Variants in CHD1L observed in about 807,000 individuals in gnomAD.
CHD1L encodes ATP-dependent chromatin remodeler CHD1L.
A neutral mutation model predicts 115.9 loss-of-function variants in CHD1L; 118 were observed. That is an observed-to-expected ratio of 1.02 (90% CI 0.88 to 1.19). CHD1L has a LOEUF of 1.19. CHD1L is among the 50% of genes most tolerant of loss of function. CHD1L has a pLI of 0.00. For missense variants in CHD1L, 1,179 were observed against 1,065.3 expected, an observed-to-expected ratio of 1.11 and a Z score of -1.49; for synonymous variants, 411 against 387.1, an observed-to-expected ratio of 1.06 and a Z score of -0.72.
At chr1:147,219,840 C>CTTTTT in the CHD1L span, among the ~76,000 whole-genome samples, 6,576 of 132,654 alleles carry the variant, frequency 0.05, 241 homozygotes, top group African/African-American at 0.08. Context: ...ATGTTAATTG[C>CTTTTT]TTTTTTTTTT....
chr1:147,266,334 C>CA (rs1167174023), intron 8 of CHD1L, among the ~76,000 whole-genome samples: 1 of 152,180 alleles, frequency 6.6e-6, no homozygotes, highest in Non-Finnish European at 1.5e-5. Context: ...TGTAATTAAG[C>CA]AAACACTTCC....
chr1:147,263,401 C>T (rs868908308), intron 6 of CHD1L, among the ~76,000 whole-genome samples: 3 of 131,556 alleles, frequency 2.3e-5, no homozygotes, highest in Non-Finnish European at 3.1e-5. Flanking sequence ...TGTACTCCAG[C>T]GTGGGTGACA....
At chr1:147,291,849 A>G (rs10793660) in intron 20 of CHD1L, among the ~76,000 whole-genome samples, 6,181 of 152,148 alleles carry the variant, frequency 0.041, 138 homozygotes, top group African/African-American at 0.059. Flanking sequence ...GTGTGTCCAG[A>G]TTTCCTTTCT....
chr1:147,192,445 TGTC>T, the CHD1L span, among the ~76,000 whole-genome samples: 1 of 152,174 alleles, frequency 6.6e-6, no homozygotes, highest in Non-Finnish European at 1.5e-5. Flanking sequence ...TATACAATCA[TGTC>T]GTCTGCAAAC....
In CHD1L at chr1:147,267,362, T is replaced by G. The variant is rs1010612243; in HGVS notation, c.896-64T>G. ...AAGGTTACTTGTAAAAACTCAGGGT[T>G]TTGGTTTCTGTTTTGTTCAGTAGGC... On this transcript the variant is annotated intron_variant, in intron 8 of 22. Transcript: ENST00000369258. 12 of 1,254,766 alleles carry G rather than the reference T, an allele frequency of 9.6e-6. No homozygotes were observed. In the East Asian group the frequency reaches 2.8e-4, roughly 30 times the overall value. 77.7% of individuals were successfully genotyped at this position (1,254,766 alleles called of 1,614,324 possible). A position where few individuals can be genotyped will look rare whatever the true frequency, so the allele number is the denominator to read the frequency against.
the CHD1L span, chr1:147,178,169 C>A: frequency 1.2e-6 from 2 of 1,610,626 alleles, no homozygotes; most frequent in Non-Finnish European, 1.7e-6. Context: ...CTCGCCGCGG[C>A]CCGCCTCGCG....
chr1:147,263,287 G>A (rs1387453314), intron 6 of CHD1L, among the ~76,000 whole-genome samples: 1 of 152,004 alleles, frequency 6.6e-6, no homozygotes, highest in Non-Finnish European at 1.5e-5. Flanking sequence ...GAAATTAGCT[G>A]AATGTGGTGG....
chr1:147,270,446 C>T (rs1675703294), intron 10 of CHD1L, among the ~76,000 whole-genome samples: 1 of 152,108 alleles, frequency 6.6e-6, no homozygotes, highest in African/African-American at 2.4e-5. Flanking sequence ...AGGATAGTGA[C>T]TTTACACCCC....
intron 6 of CHD1L, among the ~76,000 whole-genome samples, chr1:147,262,825 C>CT (rs34342332): frequency 0.094 from 14,259 of 152,022 alleles, 742 homozygotes; most frequent in East Asian, 0.16. Context: ...ATGGCCCCCC[C>CT]TCCAAATCAA....
At chr1:147,247,173 C>G (rs1291134073) in intron 1 of CHD1L, among the ~76,000 whole-genome samples, 1 of 152,130 alleles carries the variant, frequency 6.6e-6, no homozygotes, top group Non-Finnish European at 1.5e-5. Flanking sequence ...ACATTGTGGT[C>G]AGAGAACATA....
chr1:147,292,805 AT>A lies in CHD1L; in HGVS notation c.2392-802del, dbSNP rs1572230222. 2.0e-5 allele frequency among the ~76,000 whole-genome samples: 3 copies of A among 152,316 alleles called. No individual in the cohort carries two copies. In the East Asian group the frequency reaches 5.8e-4, roughly 29 times the overall value. ...AGAGCAAGAACTCATCACCAAGGGT[AT>A]GGCATTAAGCCATCCATGAGGGATC... On this transcript the variant is annotated intron_variant, in intron 20 of 22. Transcript: ENST00000369258.
At chr1:147,212,605 T>G in the CHD1L span, 45,657 of 1,427,534 alleles carry the variant, frequency 0.032, 1,066 homozygotes, top group South Asian at 0.092. Flanking sequence ...AAGTCATTTG[T>G]TTTTTTTGCA....
At chr1:147,186,298 G>C in the CHD1L span, 1 of 980,964 alleles carries the variant, frequency 1.0e-6, no homozygotes, top group Admixed American at 6.2e-5. Context: ...TAAAGACATG[G>C]TTCCTAAGGA....
upstream of CHD1L, among the ~76,000 whole-genome samples, chr1:147,238,694 C>T (rs1664666242): frequency 2.0e-5 from 3 of 152,178 alleles, no homozygotes; most frequent in South Asian, 6.2e-4. Flanking sequence ...GAAATGCACT[C>T]TCTGTACTTC....
At chr1:147,294,908 A>G (rs1686982658) in intron 22 of CHD1L, among the ~76,000 whole-genome samples, 1 of 152,242 alleles carries the variant, frequency 6.6e-6, no homozygotes, top group Non-Finnish European at 1.5e-5. Context: ...CAAACAAATA[A>G]GTGAACTATT....
intron 1 of CHD1L, among the ~76,000 whole-genome samples, chr1:147,246,783 T>A (rs1212463170): frequency 6.6e-6 from 1 of 152,212 alleles, no homozygotes; most frequent in African/African-American, 2.4e-5. Flanking sequence ...ATAATCTAGA[T>A]ACTAATATTT....
the CHD1L span, chr1:147,187,132 G>A: frequency 6.2e-7 from 1 of 1,614,000 alleles, no homozygotes; most frequent in African/African-American, 1.3e-5. Flanking sequence ...TGCCAGCTTG[G>A]GGTCAGTGAA....
At chr1:147,212,247 G>A in the CHD1L span, 8 of 752,938 alleles carry the variant, frequency 1.1e-5, no homozygotes, top group East Asian at 2.6e-5. Flanking sequence ...TGCCAACTGA[G>A]GTAATGAAAC....
intron 5 of CHD1L, among the ~76,000 whole-genome samples, chr1:147,258,180 T>C (rs1390080171): frequency 1.3e-5 from 2 of 152,194 alleles, no homozygotes; most frequent in Admixed American, 6.5e-5. Context: ...TTTTGGACAA[T>C]AGACTTGTAA....
Sources: gnomAD v4.1 joint callset for allele counts (sites outside exome capture counted in the v4.1 genomes callset) on GRCh38, gnomAD v4.1.1 for gene constraint, MANE v1.5 for transcripts, NCBI Gene and HGNC (gene_info 2026-07-23, HGNC 2026-07-21) for gene names.